REV1: variants seen among roughly 807,000 people sequenced by gnomAD.
REV1 encodes the protein REV1 DNA directed polymerase, also known as translesion synthesis protein REV1.
REV1 carries 42 observed loss-of-function variants against 137.4 expected under a neutral mutation model. That is an observed-to-expected ratio of 0.31 (90% CI 0.24 to 0.40). The LOEUF is 0.40. REV1 is among the 10% of genes least tolerant of loss of function. The pLI is 1.00. For synonymous variants in REV1, 524 were observed against 519.2 expected (o/e 1.01, Z -0.12); for missense variants, 1,282 against 1,490.1 (o/e 0.86, Z 2.30).
intron 3 of REV1, among the ~76,000 whole-genome samples, chr2:99,451,773 G>GAA (rs147236551): frequency 1.3e-5 from 2 of 148,558 alleles, no homozygotes; most frequent in Non-Finnish European, 3.0e-5. Context: ...TAGACTCTAC[G>GAA]AAAAAAAAAA....
chr2:99,426,391 G>A (rs1410414920), intron 9 of REV1, among the ~76,000 whole-genome samples: 1 of 150,888 alleles, frequency 6.6e-6, no homozygotes, highest in African/African-American at 2.4e-5. Flanking sequence ...TAAATATCAT[G>A]TTCTTATATT....
chr2:99,455,736 T>A (rs919276836), intron 3 of REV1, among the ~76,000 whole-genome samples: 5 of 152,094 alleles, frequency 3.3e-5, no homozygotes, highest in African/African-American at 9.7e-5. Flanking sequence ...CTAAAGAGAA[T>A]CCTCTCCTAA....
At chr2:99,463,224 A>G (rs983747170) in intron 2 of REV1, among the ~76,000 whole-genome samples, 2 of 152,106 alleles carry the variant, frequency 1.3e-5, no homozygotes, top group East Asian at 3.9e-4. Flanking sequence ...AGCTAAGTCA[A>G]TAATAATAAT....
chr2:99,474,109 TTA>T (rs1385319979), intron 1 of REV1, among the ~76,000 whole-genome samples: 9 of 152,346 alleles, frequency 5.9e-5, no homozygotes, highest in African/African-American at 2.2e-4. Flanking sequence ...TTCCTTCCTT[TTA>T]GTGTTCCTTT....
At chr2:99,473,764 T>C (rs58766196) in intron 1 of REV1, among the ~76,000 whole-genome samples, 1 of 152,130 alleles carries the variant, frequency 6.6e-6, no homozygotes, top group Non-Finnish European at 1.5e-5. Context: ...AGAACTTCAA[T>C]CTATCAAAGT....
chr2:99,453,529 G>A (rs1224777121), intron 3 of REV1, among the ~76,000 whole-genome samples: 1 of 151,998 alleles, frequency 6.6e-6, no homozygotes, highest in Admixed American at 6.6e-5. Context: ...TCCTTCTCTT[G>A]TTGCCCACCC....
At chr2:99,449,879 T>C (rs572915116) in intron 3 of REV1, among the ~76,000 whole-genome samples, 3 of 152,320 alleles carry the variant, frequency 2.0e-5, no homozygotes, top group Admixed American at 6.5e-5. Context: ...AACCCATTTA[T>C]GAATCATTTT....
chr2:99,489,661 G>A (rs1408442289), intron 1 of REV1, among the ~76,000 whole-genome samples, 156 bp downstream of exon 1: 1 of 149,290 alleles, frequency 6.7e-6, no homozygotes, highest in Non-Finnish European at 1.5e-5. Context: ...GCGACAGGAC[G>A]GCCGCGGGCC....
chr2:99,481,062 T>G (rs1553572218), intron 1 of REV1, among the ~76,000 whole-genome samples: 1 of 152,220 alleles, frequency 6.6e-6, no homozygotes, highest in Non-Finnish European at 1.5e-5. Context: ...AAACTTGAAG[T>G]GTTAGTAACT....
intron 12 of REV1, among the ~76,000 whole-genome samples, 200 bp downstream of exon 12, chr2:99,418,628 G>A (rs1678211454): frequency 6.6e-6 from 1 of 152,112 alleles, no homozygotes; most frequent in African/African-American, 2.4e-5. Flanking sequence ...AAACAAAAAT[G>A]TAACATTAAG....
At chr2:99,407,889 TCTTTTC>T (rs1676564676) in intron 15 of REV1, 134 bp downstream of exon 15, 1 of 433,364 alleles carries the variant, frequency 2.3e-6, no homozygotes, top group Non-Finnish European at 4.1e-6. Context: ...TTTTTGTTTC[TCTTTTC>T]CTTGTATTAC....
At chr2:99,445,680 T>A (rs1205742641) in intron 4 of REV1, among the ~76,000 whole-genome samples, 1 of 152,258 alleles carries the variant, frequency 6.6e-6, no homozygotes, top group African/African-American at 2.4e-5. Flanking sequence ...AAACCATTAC[T>A]TTTAATACAC....
At chr2:99,435,801 C>G (rs778073673) in intron 7 of REV1, 33 bp downstream of exon 7, 1 of 1,018,194 alleles carries the variant, frequency 9.8e-7, no homozygotes, top group East Asian at 2.5e-5. Flanking sequence ...AACAATATAT[C>G]AGTTTTCTTA....
At chr2:99,453,769 T>C (rs1487713102) in intron 3 of REV1, among the ~76,000 whole-genome samples, 2 of 151,656 alleles carry the variant, frequency 1.3e-5, no homozygotes, top group Admixed American at 6.6e-5. Flanking sequence ...AACACGCGCC[T>C]GTAGTCCCAG....
intron 9 of REV1, chr2:99,425,031 G>A: frequency 1.5e-6 from 1 of 650,892 alleles, no homozygotes; most frequent in Admixed American, 4.7e-5. Context: ...TTATCACTCT[G>A]TAAAGAATCA....
intron 12 of REV1, among the ~76,000 whole-genome samples, chr2:99,417,396 G>A (rs987494871): frequency 3.3e-5 from 5 of 151,948 alleles, no homozygotes; most frequent in South Asian, 2.1e-4. Flanking sequence ...CATCTGCCTC[G>A]GCCTCCCACA....
chr2:99,434,383 G>C lies in REV1; in HGVS notation c.1387C>G (p.Pro463Ala). ...GRAPLRPGAN[P>A]QLEWQYYQNK... ...TGGTAATACTGCCACTCCAGCTGGG[G>C]GTTAGCGCCAGGACGTAAAGGTGCC... The change falls in exon 8 of 23, where the codon CCC becomes GCC. Residue 463 changes from proline to alanine, a missense_variant. Pro to Ala is a conservative substitution (Grantham distance 27). Transcript: ENST00000258428. 1 of 1,607,406 alleles carries C rather than the reference G, an allele frequency of 6.2e-7. No individual in the cohort carries two copies. Among genetic ancestry groups the C allele is most frequent in the Non-Finnish European group, 8.5e-7 (1 of 1,177,092 alleles).
chr2:99,403,170 T>G (rs1264082177), intron 19 of REV1, 64 bp from the exon 20 acceptor site: 2 of 1,322,414 alleles, frequency 1.5e-6, no homozygotes, highest in East Asian at 5.0e-5. Flanking sequence ...GATGACAGTA[T>G]TGGGTTCTCT....
chr2:99,447,716 G>GC, intron 4 of REV1, among the ~76,000 whole-genome samples: 1 of 145,518 alleles, frequency 6.9e-6, no homozygotes, highest in African/African-American at 2.5e-5. Flanking sequence ...ACTGCATAAA[G>GC]TTTTTTTTTT....
Sources: gnomAD v4.1 joint callset for allele counts (sites outside exome capture counted in the v4.1 genomes callset) on GRCh38, gnomAD v4.1.1 for gene constraint, MANE v1.5 for transcripts, NCBI Gene and HGNC (gene_info 2026-07-23, HGNC 2026-07-21) for gene names.